Variants in SSBP2 observed in about 807,000 individuals in gnomAD.
The protein encoded by SSBP2 is single stranded DNA binding protein 2.
Under a neutral mutation model 61.8 loss-of-function variants are expected in SSBP2, and 17 were observed. The ratio of observed to expected loss-of-function variants is 0.28; its 90% CI spans 0.19 to 0.41. SSBP2 has a LOEUF of 0.41. Ranked by LOEUF, SSBP2 falls within the 10% of genes least tolerant of loss-of-function variation. The pLI, the probability that SSBP2 is intolerant of heterozygous loss-of-function variation, is 1.00. For missense variants in SSBP2, 310 were observed against 458.7 expected (o/e 0.68, Z 2.96); for synonymous variants, 139 against 141.3 (o/e 0.98, Z 0.12).
intron 4 of SSBP2, among the ~76,000 whole-genome samples, chr5:81,524,284 A>G (rs1279815022): frequency 6.6e-6 from 1 of 152,030 alleles, no homozygotes; most frequent in Non-Finnish European, 1.5e-5. Context: ...AATTTTGCCC[A>G]GAACTTAAAT....
chr5:81,730,033 G>A (rs774401088), intron 1 of SSBP2, among the ~76,000 whole-genome samples: 2 of 152,032 alleles, frequency 1.3e-5, no homozygotes, highest in Non-Finnish European at 2.9e-5. Flanking sequence ...AGAAAATACA[G>A]ATATACAAAG....
At chr5:81,751,228 C>A, upstream of SSBP2, 1 of 625,320 alleles carries the variant, frequency 1.6e-6, no homozygotes, top group Non-Finnish European at 2.8e-6. Flanking sequence ...CTCTGGCCTT[C>A]CGAAGCGCGC....
chr5:81,428,687 T>C lies in SSBP2; in HGVS notation c.958-4A>G. On this transcript the variant is annotated splice_polypyrimidine_tract_variant and splice_region_variant and intron_variant, in intron 15 of 16. Transcript: ENST00000320672. ...GGCTCATATTATTGGGAGAATTCTG[T>C]AAACAAGATTTAGAAAACAAGGCAT... 6.2e-7 allele frequency: 1 copy of C among 1,608,352 alleles called. No individual in the cohort carries two copies. The highest frequency in any genetic ancestry group is 8.5e-7 in the Non-Finnish European group (1 of 1,175,470).
At chr5:81,751,469 A>T (rs758719639), upstream of SSBP2, among the ~76,000 whole-genome samples, 8 of 151,234 alleles carry the variant, frequency 5.3e-5, no homozygotes, top group Admixed American at 6.6e-5. Flanking sequence ...TCAGCTCCTC[A>T]CTGGAGAGAA....
intron 16 of SSBP2, 148 bp from the exon 17 acceptor site, chr5:81,420,681 T>C (rs546731888): frequency 6.8e-5 from 46 of 673,696 alleles, no homozygotes; most frequent in Non-Finnish European, 1.1e-4. Context: ...AATAAGAAAC[T>C]ATAAAAAAAG....
At chr5:81,662,605 C>T (rs1364397128) in intron 1 of SSBP2, among the ~76,000 whole-genome samples, 1 of 152,030 alleles carries the variant, frequency 6.6e-6, no homozygotes, top group Non-Finnish European at 1.5e-5. Context: ...AGTTCAAGAC[C>T]AGCCTGGCCA....
At chr5:81,588,746 C>T (rs368452453) in intron 4 of SSBP2, among the ~76,000 whole-genome samples, 56 of 152,228 alleles carry the variant, frequency 3.7e-4, no homozygotes, top group Admixed American at 1.0e-3. Context: ...AAATGAGATA[C>T]GCTTTTTGGA....
intron 1 of SSBP2, among the ~76,000 whole-genome samples, chr5:81,735,729 T>A (rs945109450): frequency 7.2e-5 from 11 of 152,200 alleles, no homozygotes; most frequent in African/African-American, 2.4e-4. Context: ...AAAGAATTCA[T>A]GCTTTACAAA....
intron 3 of SSBP2, among the ~76,000 whole-genome samples, chr5:81,633,345 A>G (rs1376320306): frequency 2.0e-5 from 3 of 151,714 alleles, no homozygotes; most frequent in Non-Finnish European, 4.4e-5. Flanking sequence ...CGAACTCCTG[A>G]TCTCAAGTGA....
In SSBP2 at chr5:81,473,775, A is replaced by G. The variant is rs541043378; in HGVS notation, c.500-5T>C. The G allele has an allele frequency of 3.7e-6, 6 of 1,613,758 alleles. No homozygotes were observed. The highest frequency in any genetic ancestry group is 3.3e-5 in the South Asian group (3 of 91,070). On this transcript the variant is annotated splice_region_variant and splice_polypyrimidine_tract_variant and intron_variant, in intron 7 of 16. Coordinates refer to ENST00000320672, the MANE Select transcript of SSBP2 (RefSeq NM_012446.5). ...GCCCACCCATATTTGGATGTCCTAAAAAAAGTATGAAGACATTAGCAAAGT... is the reference window on the plus strand; with the variant it reads ...GCCCACCCATATTTGGATGTCCTAAGAAAAGTATGAAGACATTAGCAAAGT...
intron 15 of SSBP2, among the ~76,000 whole-genome samples, chr5:81,434,179 A>G (rs927243535): frequency 3.9e-5 from 6 of 152,228 alleles, no homozygotes; most frequent in African/African-American, 1.4e-4. Flanking sequence ...TTACATATAA[A>G]ATGGATAAAA....
chr5:81,423,396 A>G (rs1261042790), intron 16 of SSBP2, among the ~76,000 whole-genome samples: 1 of 152,214 alleles, frequency 6.6e-6, no homozygotes, highest in African/African-American at 2.4e-5. Flanking sequence ...AATAATATAA[A>G]CCAGTAAAAG....
chr5:81,746,189 T>C (rs1020590901), intron 1 of SSBP2, among the ~76,000 whole-genome samples: 1 of 152,156 alleles, frequency 6.6e-6, no homozygotes, highest in African/African-American at 2.4e-5. Context: ...CACAGATTCT[T>C]TCTTTAGATA....
Position 81,457,300 on chromosome 5 carries a change from T to C in SSBP2, c.687+3755A>G, listed in dbSNP as rs572164336. On this transcript the variant is annotated intron_variant, in intron 10 of 16. Transcript: ENST00000320672. The stretch of plus-strand genomic sequence containing the variant: ...TAAAATAATTCATGAATACATCGTA[T>C]ATACATAAATGAATATGAATGGAAA... 2.0e-5 allele frequency among the ~76,000 whole-genome samples: 3 copies of C among 152,326 alleles called. No individual in the cohort carries two copies. The South Asian group carries it at 6.2e-4, about 32-fold the overall frequency.
At chr5:81,703,984 T>A (rs1414659725) in intron 1 of SSBP2, among the ~76,000 whole-genome samples, 1 of 152,230 alleles carries the variant, frequency 6.6e-6, no homozygotes, top group South Asian at 2.1e-4. Context: ...TTACTGCTGC[T>A]TTAGTCCCTT....
chr5:81,438,348 C>CAAAAAA (rs11303330), intron 14 of SSBP2, among the ~76,000 whole-genome samples: 1 of 104,810 alleles, frequency 9.5e-6, no homozygotes, highest in African/African-American at 3.2e-5. Flanking sequence ...GAGACTGTCT[C>CAAAAAA]AAAAAAAAAA....
intron 16 of SSBP2, among the ~76,000 whole-genome samples, chr5:81,426,935 G>A (rs1456561269): frequency 6.6e-6 from 1 of 152,136 alleles, no homozygotes; most frequent in African/African-American, 2.4e-5. Context: ...ATACATTACA[G>A]CACTCATTAA....
chr5:81,590,786 G>C (rs1484943769), intron 4 of SSBP2, among the ~76,000 whole-genome samples: 9 of 152,154 alleles, frequency 5.9e-5, no homozygotes. Flanking sequence ...AGAGCAAAAA[G>C]CCTCGTAGCT....
At chr5:81,591,768 G>C (rs1775522036) in intron 4 of SSBP2, among the ~76,000 whole-genome samples, 1 of 152,142 alleles carries the variant, frequency 6.6e-6, no homozygotes, top group African/African-American at 2.4e-5. Flanking sequence ...AATTAAAAAA[G>C]AGAACAGATC....
Sources: allele counts gnomAD v4.1 joint callset (sites outside exome capture counted in the v4.1 genomes callset), GRCh38; gene constraint gnomAD v4.1.1; transcripts MANE v1.5; gene names NCBI Gene and HGNC (gene_info 2026-07-23, HGNC 2026-07-21).